Variants in CHAT observed in about 807,000 individuals in gnomAD.
CHAT encodes choline O-acetyltransferase, also known as acetyl CoA:choline O-acetyltransferase.
A neutral mutation model predicts 76.9 loss-of-function variants in CHAT; 61 were observed. That is an observed-to-expected ratio of 0.79 (90% CI 0.65 to 0.98). The LOEUF is 0.98. Among genes scored for constraint, CHAT ranks in the 50% least tolerant of loss-of-function variants. The pLI, the probability that CHAT is intolerant of heterozygous loss-of-function variation, is 0.00. For synonymous variants in CHAT, 407 were observed against 397.4 expected (o/e 1.02, Z -0.29); for missense variants, 946 against 986.9 (o/e 0.96, Z 0.56).
chr10:49,640,734 G>A (rs921772167), intron 7 of CHAT, among the ~76,000 whole-genome samples: 1 of 152,154 alleles, frequency 6.6e-6, no homozygotes, highest in East Asian at 1.9e-4. Context: ...GGGATGACAC[G>A]GTTTTTCTCT....
chr10:49,638,901 T>A (rs1484309998), intron 7 of CHAT, among the ~76,000 whole-genome samples: 1 of 152,218 alleles, frequency 6.6e-6, no homozygotes, highest in Non-Finnish European at 1.5e-5. Context: ...TTCTTGATAT[T>A]CCAATGTTTC....
intron 4 of CHAT, among the ~76,000 whole-genome samples, chr10:49,620,926 T>C (rs985814026): frequency 1.3e-5 from 2 of 152,206 alleles, no homozygotes; most frequent in African/African-American, 4.8e-5. Flanking sequence ...CGTGTGTCCC[T>C]GGACCACGCC....
upstream of CHAT, chr10:49,610,817 A>G (rs769325527): frequency 6.2e-7 from 1 of 1,603,120 alleles, no homozygotes; most frequent in Non-Finnish European, 8.5e-7. Context: ...GCGGCGCTGC[A>G]GGAGCCCCGG....
upstream of CHAT, chr10:49,610,596 A>C (rs554176593): frequency 1.4e-6 from 1 of 729,552 alleles, no homozygotes; most frequent in East Asian, 3.1e-5. Context: ...ACGCTGGGCC[A>C]TGAGCTCCGC....
chr10:49,614,552 G>C, intron 1 of CHAT, 77 bp downstream of exon 1: 2 of 1,016,532 alleles, frequency 2.0e-6, no homozygotes. Flanking sequence ...TCTATCCAGG[G>C]ACAGCACCGG....
chr10:49,656,862 A>T (rs1172718739), intron 13 of CHAT, among the ~76,000 whole-genome samples: 1 of 152,022 alleles, frequency 6.6e-6, no homozygotes, highest in Non-Finnish European at 1.5e-5. Context: ...GGACAGGGGC[A>T]GGGTGAAGGG....
chr10:49,619,540 G>C (rs1355434080), intron 2 of CHAT, among the ~76,000 whole-genome samples, 185 bp from the exon 3 acceptor site: 1 of 152,158 alleles, frequency 6.6e-6, no homozygotes, highest in African/African-American at 2.4e-5. Context: ...AGCACAATGA[G>C]GTCAGGGACG....
At chr10:49,611,500 T>TG, upstream of CHAT, 1 of 1,600,678 alleles carries the variant, frequency 6.2e-7, no homozygotes, top group Non-Finnish European at 8.5e-7. Context: ...CGTGTCGCTC[T>TG]TTGACGCGCT....
Position 49,620,525 on chromosome 10 carries a change from C to T in CHAT, c.610C>T (p.Leu204Phe). ...TGAGTACTGGCTGAATGACATGTAT[C>T]TCAACAACCGCCTGGCCCTGCCTGT... is the stretch of plus-strand genomic sequence containing the variant. ...VSEYWLNDMY[L>F]NNRLALPVNS... is the part of the protein sequence containing the mutation. Residue 204 changes from leucine (L) to phenylalanine (F), a missense_variant, in exon 4 of 15, where the codon CTC becomes TTC. By Grantham distance (22) the Leu-to-Phe change is conservative (BLOSUM62 0). Transcript: ENST00000337653. 2 of 1,613,848 alleles carry T rather than the reference C, an allele frequency of 1.2e-6. No homozygotes were observed. The highest frequency in any genetic ancestry group is 2.2e-5 in the South Asian group (2 of 91,084).
intron 7 of CHAT, among the ~76,000 whole-genome samples, chr10:49,642,598 C>T (rs555334827): frequency 1.3e-5 from 2 of 152,354 alleles, no homozygotes; most frequent in South Asian, 2.1e-4. Flanking sequence ...AAGGAGTGTG[C>T]CAGGCCTCCA....
intron 13 of CHAT, among the ~76,000 whole-genome samples, chr10:49,659,733 A>T (rs1175282768): frequency 6.6e-6 from 1 of 152,086 alleles, no homozygotes; most frequent in East Asian, 1.9e-4. Context: ...GTGGTGGCAC[A>T]TACCTGTAAT....
intron 3 of CHAT, 72 bp from the exon 4 acceptor site, chr10:49,620,423 G>T (rs1456285410): frequency 1.9e-6 from 2 of 1,028,276 alleles, no homozygotes; most frequent in African/African-American, 1.6e-5. Context: ...GAAGTGTCCC[G>T]ATTTTCTCTC....
chr10:49,624,063 C>T (rs4838391), intron 5 of CHAT, among the ~76,000 whole-genome samples: 14,000 of 152,196 alleles, frequency 0.092, 836 homozygotes, highest in East Asian at 0.21. Context: ...AAGAATAAGG[C>T]GATAGCTCCT....
upstream of CHAT, chr10:49,612,253 T>C: frequency 6.2e-7 from 1 of 1,610,482 alleles, no homozygotes; most frequent in Non-Finnish European, 8.5e-7. Flanking sequence ...GCGTCCTGTG[T>C]CTGGCCAGGA....
At chr10:49,649,420 A>C in intron 9 of CHAT, 88 bp from the exon 10 acceptor site, 1 of 1,589,846 alleles carries the variant, frequency 6.3e-7, no homozygotes, top group South Asian at 1.1e-5. Context: ...AAACACTGAC[A>C]GCTAAGATGA....
chr10:49,616,412 C>A, intron 1 of CHAT, 90 bp from the exon 2 acceptor site: 2 of 1,005,918 alleles, frequency 2.0e-6, no homozygotes, highest in African/African-American at 1.6e-5. Context: ...CCTCATGGGG[C>A]TGGGGTGGGG....
chr10:49,652,071 G>T, intron 11 of CHAT, 65 bp downstream of exon 11: 1 of 1,608,776 alleles, frequency 6.2e-7, no homozygotes, highest in Non-Finnish European at 8.5e-7. Context: ...TAGGATCTAG[G>T]GTCTAGAAGC....
chr10:49,639,213 GT>G (rs1313073563), intron 7 of CHAT, among the ~76,000 whole-genome samples: 1 of 152,144 alleles, frequency 6.6e-6, no homozygotes. Context: ...TCCAGCTTGG[GT>G]GACAGAGCGA....
chr10:49,631,937 G>A (rs555398144), intron 7 of CHAT, among the ~76,000 whole-genome samples: 3 of 150,564 alleles, frequency 2.0e-5, no homozygotes, highest in Admixed American at 6.6e-5. Flanking sequence ...TATTGGCGCA[G>A]CACAGAAACA....
Sources: allele counts gnomAD v4.1 joint callset (sites outside exome capture counted in the v4.1 genomes callset), GRCh38; gene constraint gnomAD v4.1.1; transcripts MANE v1.5; gene names NCBI Gene and HGNC (gene_info 2026-07-23, HGNC 2026-07-21).